Variants in HOXB2 observed in about 807,000 individuals in gnomAD.
The protein encoded by HOXB2 is homeobox B2.
Under a neutral mutation model 13.1 loss-of-function variants are expected in HOXB2, and 14 were observed. The ratio of observed to expected loss-of-function variants is 1.07; its 90% CI spans 0.71 to 1.67. HOXB2 has a LOEUF of 1.67. Among genes scored for constraint, HOXB2 ranks in the 40% most tolerant of loss-of-function variants. The pLI is 0.00. For missense variants in HOXB2, 582 were observed against 488.3 expected (o/e 1.19, Z -1.81); for synonymous variants, 261 against 233.1 (o/e 1.12, Z -1.09).
chr17:48,543,988 G>A, intron 1 of HOXB2: 7 of 1,289,172 alleles, frequency 5.4e-6, no homozygotes, highest in Admixed American at 3.7e-5. Flanking sequence ...CGCAGGGGGC[G>A]GAGAGCGGCT....
chr17:48,543,363 T>C lies in HOXB2; in HGVS notation c.776A>G (p.Asp259Gly), dbSNP rs183316427. The part of the protein sequence containing the change: ...PEVVPGALSA[D>G]PRPLAVRLEG... ...TAAGCGAACGGCTAAAGGCCGGGGGTCCGCGCTTAAGGCCCCCGGCACCAC... is the reference window on the plus strand; with the variant it reads ...TAAGCGAACGGCTAAAGGCCGGGGGCCCGCGCTTAAGGCCCCCGGCACCAC... Residue 259 changes from aspartate (D) to glycine (G), a missense_variant, in exon 2 of 2, where the codon GAC becomes GGC. Coordinates refer to ENST00000330070, the MANE Select transcript of HOXB2 (RefSeq NM_002145.4). 185 of 1,591,700 alleles carry C rather than the reference T, an allele frequency of 1.2e-4. 2 individuals carry two copies. The South Asian group carries it at 1.9e-3, about 16-fold the overall frequency.
Position 48,543,250 on chromosome 17 carries a change from C to G in HOXB2, c.889G>C (p.Gly297Arg), listed in dbSNP as rs771375599. 4 of 1,610,994 alleles carry G rather than the reference C, an allele frequency of 2.5e-6. No homozygotes were observed. The Admixed American group carries it at 5.0e-5, about 20-fold the overall frequency. The change falls in exon 2 of 2, where the codon GGG (glycine) becomes CGG (arginine). Residue 297 changes from glycine to arginine, a missense_variant. By Grantham distance (125) the Gly-to-Arg change is moderately radical. Transcript: ENST00000330070. ...PGPLPEDVFS[G>R]RQDSPFLPDL... The stretch of plus-strand genomic sequence containing the variant: ...GGAAGGAAAGGTGAATCCTGGCGCC[C>G]CGAGAAGACGTCTTCTGGCAATGGC...
rs183316427 is a variant in HOXB2, at chr17:48,543,363, T to A, written c.776A>T (p.Asp259Val). The A allele has an allele frequency of 9.6e-3, 15,291 of 1,591,690 alleles. 86 individuals carry two copies. Among genetic ancestry groups the A allele is most frequent in the Non-Finnish European group, 0.012 (13,841 of 1,173,330 alleles). The part of the protein sequence containing the change: ...PEVVPGALSA[D>V]PRPLAVRLEG... ...TAAGCGAACGGCTAAAGGCCGGGGGTCCGCGCTTAAGGCCCCCGGCACCAC... is the reference window on the plus strand; with the variant it reads ...TAAGCGAACGGCTAAAGGCCGGGGGACCGCGCTTAAGGCCCCCGGCACCAC... Residue 259 changes from aspartate to valine, a missense_variant, in exon 2 of 2, where the codon GAC becomes GTC. Asp to Val is a radical substitution (Grantham distance 152). Coordinates refer to ENST00000330070, the MANE Select transcript of HOXB2 (RefSeq NM_002145.4).
At chr17:48,544,023 C>T in intron 1 of HOXB2, 1 of 1,271,258 alleles carries the variant, frequency 7.9e-7, no homozygotes. Context: ...AACCTCAGAT[C>T]CCCCTCCCAA....
Position 48,544,902 on chromosome 17 carries a change from C to T in HOXB2, c.10G>A (p.Glu4Lys), listed in dbSNP as rs1380080261. ...ATAAACCCAATCTCCCTCTCAAATT[C>T]AAAATTCATGGCTTTCAATGGTGGG... MNFEFEREIGFINS... is the reference protein window; with the variant it reads MNFKFEREIGFINS... Residue 4 changes from glutamate to lysine, a missense_variant, in exon 1 of 2, where the codon GAA becomes AAA. Physicochemically the swap from Glu to Lys is moderately conservative, Grantham distance 56. Coordinates refer to ENST00000330070, the MANE Select transcript of HOXB2 (RefSeq NM_002145.4). The T allele has an allele frequency of 1.2e-6, 1 of 816,696 alleles. No homozygotes were observed. Among genetic ancestry groups the T allele is most frequent in the Non-Finnish European group, 1.8e-6 (1 of 548,998 alleles). 50.6% of individuals were successfully genotyped at this position (816,696 alleles called of 1,614,324 possible).
At chr17:48,543,935 C>T (rs572580591) in intron 1 of HOXB2, 188 bp from the exon 2 acceptor site, 3 of 1,392,852 alleles carry the variant, frequency 2.2e-6, no homozygotes, top group South Asian at 3.4e-5. Context: ...TCTACAGCCC[C>T]GGCCCGGGTC....
chr17:48,543,092 A>T lies in HOXB2; in HGVS notation c.1047T>A (p.Cys349Ter). Reference sequence around the variant, plus strand: ...GTTAGGGAAACTGCAGGTCGATGGCACAGAGCGTACTGGTGAAAAAATCCA... The same window carrying T: ...GTTAGGGAAACTGCAGGTCGATGGCTCAGAGCGTACTGGTGAAAAAATCCA... ...EELDFFTSTLCAIDLQFP is the reference protein window; with the variant it reads ...EELDFFTSTL Residue 349 changes from cysteine (C) to a stop codon, truncating the protein, a stop_gained, in exon 2 of 2, where the codon TGT becomes TGA. Coordinates refer to ENST00000330070, the MANE Select transcript of HOXB2 (RefSeq NM_002145.4). LOFTEE classifies it high-confidence loss of function. 6.2e-7 allele frequency: 1 copy of T among 1,610,314 alleles called. No homozygotes were observed. The highest frequency in any genetic ancestry group is 1.3e-5 in the African/African-American group (1 of 74,638).
At chr17:48,543,938 C>T in intron 1 of HOXB2, 191 bp from the exon 2 acceptor site, 1 of 1,392,772 alleles carries the variant, frequency 7.2e-7, no homozygotes, top group Non-Finnish European at 9.2e-7. Context: ...ACAGCCCCGG[C>T]CCGGGTCAGG....
Position 48,543,192 on chromosome 17 carries a change from A to G in HOXB2, c.947T>C (p.Leu316Pro), listed in dbSNP as rs755780722. Residue 316 changes from leucine to proline, a missense_variant, in exon 2 of 2, where the codon CTC becomes CCC. Coordinates refer to ENST00000330070, the MANE Select transcript of HOXB2 (RefSeq NM_002145.4). ...DLNFFAADSC[L>P]QLSGGLSPSL... ...AGGGGAGAGGCCTCCGGATAGCTGGAGACAGGAGTCGGCCGCGAAGAAGTT... is the reference window on the plus strand; with the variant it reads ...AGGGGAGAGGCCTCCGGATAGCTGGGGACAGGAGTCGGCCGCGAAGAAGTT... 5 of 1,613,888 alleles carry G rather than the reference A, an allele frequency of 3.1e-6. No homozygotes were observed. The highest frequency in any genetic ancestry group is 4.2e-6 in the Non-Finnish European group (5 of 1,180,002).
chr17:48,544,110 C>CTCTTCCTCCCTAGCTCTGAAT, intron 1 of HOXB2: 2 of 985,354 alleles, frequency 2.0e-6, no homozygotes, highest in South Asian at 4.7e-5. Context: ...TTCTTCACCC[C>CTCTTCCTCCCTAGCTCTGAAT]TCTTCCTCCC....
At position 48,544,993 on chromosome 17, in the gene HOXB2, C is replaced by T. The variant is rs544633760; in HGVS notation, c.-82G>A. On this transcript the variant is annotated 5_prime_UTR_variant, in exon 1 of 2. Transcript: ENST00000330070. ...AAGGGACCCCCCTCCTGCACCCCCC[C>T]CGATTTATGTAATGGAGCGATTTTG... 2 of 1,364,384 alleles carry T rather than the reference C, an allele frequency of 1.5e-6. No homozygotes were observed. Among genetic ancestry groups the T allele is most frequent in the African/African-American group, 1.5e-5 (1 of 67,964 alleles). The allele number at this position is 1,364,384 out of a possible 1,614,324, so 84.5% of individuals were successfully genotyped here.
Position 48,543,478 on chromosome 17 carries a change from T to C in HOXB2, c.661A>G (p.Ile221Val). The change falls in exon 2 of 2, where the codon ATC becomes GTC. Residue 221 changes from isoleucine (I) to valine (V), a missense_variant. Transcript: ENST00000330070. ...EPACPGALEDICDPAEEPAAS... is the reference protein window; with the variant it reads ...EPACPGALEDVCDPAEEPAAS... Reference sequence around the variant, plus strand: ...GCGGGTTCCTCGGCAGGGTCGCAGATGTCCTCCAGGGCTCCCGGGCAGGCA... The same window carrying C: ...GCGGGTTCCTCGGCAGGGTCGCAGACGTCCTCCAGGGCTCCCGGGCAGGCA... 6.2e-7 allele frequency: 1 copy of C among 1,611,098 alleles called. No homozygotes were observed. The highest frequency in any genetic ancestry group is 8.5e-7 in the Non-Finnish European group (1 of 1,179,644).
In HOXB2 at chr17:48,545,061, T is replaced by C. The variant is rs2068557617; in HGVS notation, c.-150A>G. On this transcript the variant is annotated 5_prime_UTR_variant, in exon 1 of 2. Transcript: ENST00000330070. ...TCTCTCTTTTTTTTAATTTTGGGCC[T>C]TTATAATTGTATATTGCTGATAAAT... is the stretch of plus-strand genomic sequence containing the variant. 3.1e-6 allele frequency: 2 copies of C among 638,610 alleles called. No homozygotes were observed. The highest frequency in any genetic ancestry group is 5.2e-6 in the Non-Finnish European group (2 of 382,554). 39.6% of individuals were successfully genotyped at this position (638,610 alleles called of 1,614,324 possible). A position where few individuals can be genotyped will look rare whatever the true frequency, so the allele number is the denominator to read the frequency against.
chr17:48,543,225 G>A lies in HOXB2; in HGVS notation c.914C>T (p.Pro305Leu), dbSNP rs759772928. ...FSGRQDSPFLPDLNFFAADSC... is the reference protein window; with the variant it reads ...FSGRQDSPFLLDLNFFAADSC... ...GTCGGCCGCGAAGAAGTTGAGGTCGGGAAGGAAAGGTGAATCCTGGCGCCC... is the reference window on the plus strand; with the variant it reads ...GTCGGCCGCGAAGAAGTTGAGGTCGAGAAGGAAAGGTGAATCCTGGCGCCC... The change falls in exon 2 of 2, where the codon CCC (proline) becomes CTC (leucine). Residue 305 changes from proline to leucine, a missense_variant. Transcript: ENST00000330070. The A allele has an allele frequency of 1.2e-6, 2 of 1,613,442 alleles. No individual in the cohort carries two copies. Among genetic ancestry groups the A allele is most frequent in the Non-Finnish European group, 8.5e-7 (1 of 1,180,014 alleles).
At chr17:48,544,329 GAC>G in intron 1 of HOXB2, 190 bp downstream of exon 1, 1 of 1,336,444 alleles carries the variant, frequency 7.5e-7, no homozygotes, top group African/African-American at 1.8e-5. Context: ...GAGAGAGAGA[GAC>G]AGAAAAAAAA....
chr17:48,544,940 T>TGGGGGGGGGTGGGGGCGGGG lies in HOXB2; in HGVS notation c.-30_-29insCCCCGCCCCCACCCCCCCCC. Reference sequence around the variant, plus strand: ...TTTCAATGGTGGGGGAGGGGGCTGCTGGGGGGGGCGTCAGGAGGGAGGATC... The same window carrying TGGGGGGGGGTGGGGGCGGGG: ...TTTCAATGGTGGGGGAGGGGGCTGCTGGGGGGGGGTGGGGGCGGGGGGGGGGGGCGTCAGGAGGGAGGATC... On this transcript the variant is annotated 5_prime_UTR_variant, in exon 1 of 2. Coordinates refer to ENST00000330070, the MANE Select transcript of HOXB2 (RefSeq NM_002145.4). 1 of 271,682 alleles carries TGGGGGGGGGTGGGGGCGGGG rather than the reference T, an allele frequency of 3.7e-6. No homozygotes were observed. The highest frequency in any genetic ancestry group is 5.9e-6 in the Non-Finnish European group (1 of 170,484). The allele number at this position is 271,682 out of a possible 1,614,324, so 16.8% of individuals were successfully genotyped here.
Position 48,544,599 on chromosome 17 carries a change from T to C in HOXB2, c.313A>G (p.Lys105Glu), listed in dbSNP as rs1288957635. 2 of 1,609,526 alleles carry C rather than the reference T, an allele frequency of 1.2e-6. No individual in the cohort carries two copies. Among genetic ancestry groups the C allele is most frequent in the South Asian group, 2.2e-5 (2 of 90,960 alleles). The change falls in exon 1 of 2, where the codon AAG becomes GAG. Residue 105 changes from lysine (K) to glutamate (E), a missense_variant. Lys to Glu is a moderately conservative substitution (Grantham distance 56, BLOSUM62 1). Coordinates refer to ENST00000330070, the MANE Select transcript of HOXB2 (RefSeq NM_002145.4). ...GACGTGGCGGATTGGCTGGGTTTCT[T>C]GGCGGATTTCTTCTCTTTCATCCAA... The part of the protein sequence containing the change: ...FPWMKEKKSA[K>E]KPSQSATSPS...
At position 48,544,502 on chromosome 17, in the gene HOXB2, C is replaced by T. The variant is rs1256639299; in HGVS notation, c.391+19G>A. ...CTCTTCTAGCTGCCCCTCACCCCAC[C>T]CCCACCACGCTTACCGACCTGCAGG... is the stretch of plus-strand genomic sequence containing the variant. On this transcript the variant is annotated intron_variant, in intron 1 of 1. Coordinates refer to ENST00000330070, the MANE Select transcript of HOXB2 (RefSeq NM_002145.4). 8 of 1,587,982 alleles carry T rather than the reference C, an allele frequency of 5.0e-6. No homozygotes were observed. The highest frequency in any genetic ancestry group is 6.0e-6 in the Non-Finnish European group (7 of 1,174,394).
chr17:48,544,642 G>C lies in HOXB2; in HGVS notation c.270C>G (p.Pro90=), dbSNP rs758860953. The change falls in exon 1 of 2, where the codon CCC becomes CCG. Residue 90 remains proline, a synonymous_variant. Coordinates refer to ENST00000330070, the MANE Select transcript of HOXB2 (RefSeq NM_002145.4). The stretch of plus-strand genomic sequence containing the variant: ...TCATCCAAGGGAACTCGGGGGCCGG[G>C]GGGGCAGCGGGGAGTGGCGGCGGCG... ...PPPPPPLPAA[P]PAPEFPWMKE... 2.5e-6 allele frequency: 4 copies of C among 1,612,090 alleles called. No homozygotes were observed. The highest frequency in any genetic ancestry group is 2.2e-5 in the South Asian group (2 of 90,996).
Sources: gnomAD v4.1 joint callset for allele counts on GRCh38, gnomAD v4.1.1 for gene constraint, MANE v1.5 for transcripts, NCBI Gene and HGNC (gene_info 2026-07-23, HGNC 2026-07-21) for gene names.